The following STAG3 variants were observed in gnomAD, a reference collection of about 807,000 sequenced individuals.
STAG3 encodes the protein STAG3 cohesin complex component, also known as cohesin subunit SA-3.
Under a neutral mutation model 160.7 loss-of-function variants are expected in STAG3, and 101 were observed. That is an observed-to-expected ratio of 0.63 (90% CI 0.54 to 0.74). The LOEUF (loss-of-function observed/expected upper bound fraction) is 0.74, where lower values mean the gene tolerates loss of function less well. Ranked by LOEUF, STAG3 falls within the 30% of genes least tolerant of loss-of-function variation. The probability of loss-of-function intolerance (pLI) is 0.00; values close to 1 mark genes in which losing one functional copy is unlikely to be tolerated. For missense variants in STAG3, 1,188 were observed against 1,517.4 expected, an observed-to-expected ratio of 0.78 and a Z score of 3.61; for synonymous variants, 519 against 585.0, an observed-to-expected ratio of 0.89 and a Z score of 1.63.
chr7:100,211,725 G>A (rs1483401036), intron 31 of STAG3, 70 bp from the exon 32 acceptor site: 5 of 1,549,174 alleles, frequency 3.2e-6, no homozygotes, highest in Non-Finnish European at 4.4e-6. Context: ...CCCCACCCCG[G>A]GTGTCTGAGA....
Position 100,182,921 on chromosome 7 carries a change from C to T in STAG3, c.336+82C>T, listed in dbSNP as rs142613093. On this transcript the variant is annotated intron_variant, in intron 4 of 33. Coordinates refer to ENST00000615138, the MANE Select transcript of STAG3 (RefSeq NM_001282717.2). ...ACAAGTGTCTACAAACTTGATTTGACGTGAACATTTTAGTGAGTGTAACAT... is the reference window on the plus strand; with the variant it reads ...ACAAGTGTCTACAAACTTGATTTGATGTGAACATTTTAGTGAGTGTAACAT... 8.7e-5 allele frequency: 131 copies of T among 1,512,972 alleles called. No individual in the cohort carries two copies. In the East Asian group the frequency reaches 1.8e-3, roughly 20 times the overall value. The allele number at this position is 1,512,972 out of a possible 1,614,324, so 93.7% of individuals were successfully genotyped here. A position where few individuals can be genotyped will look rare whatever the true frequency, so the allele number is the denominator to read the frequency against.
chr7:100,217,737 G>A (rs574853081), downstream of STAG3, among the ~76,000 whole-genome samples: 2 of 152,114 alleles, frequency 1.3e-5, no homozygotes, highest in East Asian at 1.9e-4. Flanking sequence ...CTTTTAGGTA[G>A]CCGAGGCGGA....
chr7:100,197,958 C>A (rs1800798188), intron 11 of STAG3, 82 bp downstream of exon 11: 1 of 1,507,460 alleles, frequency 6.6e-7, no homozygotes, highest in Admixed American at 1.7e-5. Flanking sequence ...CCCTCATGCT[C>A]TAAGATGTCT....
At chr7:100,199,016 T>G in intron 14 of STAG3, 59 bp downstream of exon 14, 1 of 1,510,368 alleles carries the variant, frequency 6.6e-7, no homozygotes, top group Non-Finnish European at 9.2e-7. Flanking sequence ...TGGGCTGGGG[T>G]TGGTGGCTCA....
At chr7:100,178,601 T>TC (rs950887667) in intron 1 of STAG3, among the ~76,000 whole-genome samples, 3 of 151,398 alleles carry the variant, frequency 2.0e-5, no homozygotes, top group African/African-American at 7.3e-5. Flanking sequence ...ATTTAATTTT[T>TC]TTTTTTTAGA....
At chr7:100,211,369 C>G in intron 30 of STAG3, 66 bp from the exon 31 acceptor site, 1 of 1,558,384 alleles carries the variant, frequency 6.4e-7, no homozygotes, top group Non-Finnish European at 8.8e-7. Flanking sequence ...CCATTAACAC[C>G]AGCTGCCTTA....
chr7:100,184,382 T>C (rs1332703161), intron 4 of STAG3, among the ~76,000 whole-genome samples: 1 of 152,094 alleles, frequency 6.6e-6, no homozygotes, highest in Non-Finnish European at 1.5e-5. Flanking sequence ...TTCCTTTGGA[T>C]TTCTTATCTT....
intron 4 of STAG3, among the ~76,000 whole-genome samples, chr7:100,183,384 TGAG>T (rs1012096500): frequency 3.3e-5 from 5 of 152,230 alleles, no homozygotes; most frequent in African/African-American, 1.2e-4. Flanking sequence ...ATGGAGCAGA[TGAG>T]GAGAGGCATT....
rs765140744 is a variant in STAG3, at chr7:100,211,077, T to C, written c.3305T>C (p.Ile1102Thr). 9.4e-6 allele frequency: 15 copies of C among 1,600,810 alleles called. No homozygotes were observed. The highest frequency in any genetic ancestry group is 1.3e-5 in the Non-Finnish European group (15 of 1,168,828). The change falls in exon 30 of 34, where the codon ATC (isoleucine) becomes ACC (threonine). Residue 1102 changes from isoleucine to threonine, a missense_variant. Ile to Thr is a moderately conservative substitution (Grantham distance 89, BLOSUM62 -1). Around this residue, in one of 4 missense-constraint regions of STAG3, gnomAD observed 647 missense variants for 717.2 expected, o/e 0.90. Coordinates refer to ENST00000615138, the MANE Select transcript of STAG3 (RefSeq NM_001282717.2). ...GAAGAAAGTCTGCAGCTGAACAGCA[T>C]CCCGCCCACGCCCACCCTCACCTCC... ...SQEESLQLNS[I>T]PPTPTLTSTA... is the part of the protein sequence containing the mutation.
chr7:100,210,039 AT>A (rs1802033740), intron 29 of STAG3, among the ~76,000 whole-genome samples: 1 of 152,204 alleles, frequency 6.6e-6, no homozygotes, highest in Non-Finnish European at 1.5e-5. Context: ...TATAGGTGAT[AT>A]TTAAGGACAT....
intron 4 of STAG3, among the ~76,000 whole-genome samples, chr7:100,183,367 T>C (rs542963720): frequency 6.6e-6 from 1 of 152,338 alleles, no homozygotes; most frequent in Non-Finnish European, 1.5e-5. Flanking sequence ...TATGCCTTTA[T>C]TGATTGATGG....
downstream of STAG3, chr7:100,219,230 C>T (rs1803035657): frequency 1.3e-5 from 2 of 153,380 alleles, no homozygotes; most frequent in South Asian, 4.1e-4. Context: ...GGTTCAACTC[C>T]TGGCTTCTGC....
chr7:100,190,540 CT>C (rs1456511111), intron 8 of STAG3, among the ~76,000 whole-genome samples: 1 of 152,098 alleles, frequency 6.6e-6, no homozygotes, highest in Non-Finnish European at 1.5e-5. Context: ...TAGTGCGAAT[CT>C]TTTCTTTTCT....
In STAG3 at chr7:100,205,254, G is replaced by T; in HGVS notation, c.3108G>T (p.Gln1036His). ...LLLSYLEKCL[Q>H]HVSQAPGHPW... ...TGTCCTATCTAGAAAAGTGCCTGCAGCATGTCTCCCAGGCACCTGGCCATC... is the reference window on the plus strand; with the variant it reads ...TGTCCTATCTAGAAAAGTGCCTGCATCATGTCTCCCAGGCACCTGGCCATC... Residue 1036 changes from glutamine to histidine, a missense_variant, in exon 29 of 34, where the codon CAG (glutamine) becomes CAT (histidine). By Grantham distance (24) the Gln-to-His change is conservative. Coordinates refer to ENST00000615138, the MANE Select transcript of STAG3 (RefSeq NM_001282717.2). 1 of 1,614,090 alleles carries T rather than the reference G, an allele frequency of 6.2e-7. No homozygotes were observed. The highest frequency in any genetic ancestry group is 1.3e-5 in the African/African-American group (1 of 75,046).
Position 100,204,629 on chromosome 7 carries a change from GTACACAGAACTGCTGCAGGAGCA to G in STAG3, c.2807_2829del (p.Tyr936TrpfsTer7). 3 of 1,614,058 alleles carry G rather than the reference GTACACAGAACTGCTGCAGGAGCA, an allele frequency of 1.9e-6. No homozygotes were observed. Among genetic ancestry groups the G allele is most frequent in the Non-Finnish European group, 2.5e-6 (3 of 1,179,998 alleles). On this transcript the variant is annotated frameshift_variant, in exon 27 of 34. Transcript: ENST00000615138. LOFTEE classifies it high-confidence loss of function. ...TGCACCATGTCTCCTGGACACAGCT[GTACACAGAACTGCTGCAGGAGCA>G]TGGGCCCCAGGGCCTGAATGAGCTT...
intron 8 of STAG3, among the ~76,000 whole-genome samples, chr7:100,194,902 A>G (rs945868012): frequency 4.0e-5 from 6 of 151,546 alleles, no homozygotes; most frequent in African/African-American, 1.4e-4. Context: ...TGCCACAGGG[A>G]CACAAAGTGA....
chr7:100,219,184 A>C (rs1465179046), downstream of STAG3: 1 of 152,804 alleles, frequency 6.5e-6, no homozygotes, highest in Admixed American at 6.5e-5. Context: ...GTCACATCCA[A>C]ACTTAGCGAG....
intron 20 of STAG3, 22 bp from the exon 21 acceptor site, chr7:100,201,242 C>G: frequency 6.2e-7 from 1 of 1,613,988 alleles, no homozygotes; most frequent in Non-Finnish European, 8.5e-7. Context: ...TCCAGTATAA[C>G]ATTCCCCTTT....
chr7:100,198,600 T>A lies in STAG3; in HGVS notation c.1352+18T>A, dbSNP rs1026254649. On this transcript the variant is annotated intron_variant, in intron 13 of 33. Coordinates refer to ENST00000615138, the MANE Select transcript of STAG3 (RefSeq NM_001282717.2). ...TACTGGAAGTGAGTGGGGCTCCTTT[T>A]ATGTTTCTTTAACACCACGCTCTCG... is the stretch of plus-strand genomic sequence containing the variant. The A allele has an allele frequency of 6.2e-7, 1 of 1,605,578 alleles. No individual in the cohort carries two copies. Among genetic ancestry groups the A allele is most frequent in the Non-Finnish European group, 8.5e-7 (1 of 1,173,304 alleles).
Sources: gnomAD v4.1 joint callset for allele counts (sites outside exome capture counted in the v4.1 genomes callset) on GRCh38, gnomAD v4.1.1 for gene constraint, gnomAD v4.1.1 regional missense constraint, MANE v1.5 for transcripts, NCBI Gene and HGNC (gene_info 2026-07-23, HGNC 2026-07-21) for gene names.